CDH13: variants seen among roughly 807,000 people sequenced by gnomAD.
The protein encoded by CDH13 is cadherin 13.
Under a neutral mutation model 63.8 loss-of-function variants are expected in CDH13, and 24 were observed. That is an observed-to-expected ratio of 0.38 (90% confidence interval 0.27 to 0.53). The LOEUF is 0.53. Ranked by LOEUF, CDH13 falls within the 20% of genes least tolerant of loss-of-function variation. CDH13 has a pLI of 0.85. For synonymous variants in CDH13, 503 were observed against 355.3 expected (o/e 1.42, Z -4.67); for missense variants, 1,049 against 903.1 (o/e 1.16, Z -2.07).
At chr16:83,342,290 T>C (rs2090742953) in intron 5 of CDH13, among the ~76,000 whole-genome samples, 1 of 152,222 alleles carries the variant, frequency 6.6e-6, no homozygotes, top group African/African-American at 2.4e-5. Flanking sequence ...AATTATCTTG[T>C]TCATATCTTT....
rs1415309039 is a variant in CDH13, at chr16:83,080,929, G to A, written c.367-44456G>A. Among the ~76,000 whole-genome samples the A allele has an allele frequency of 1.2e-4, 14 of 115,718 alleles. No individual in the cohort carries two copies. The East Asian group carries it at 3.7e-3, about 31-fold the overall frequency. 75.9% of individuals were successfully genotyped at this position (115,718 alleles called of 152,430 possible). A position where few individuals can be genotyped will look rare whatever the true frequency, so the allele number is the denominator to read the frequency against. On this transcript the variant is annotated intron_variant, in intron 3 of 13. Transcript: ENST00000567109. ...AGAGTTTTGCTGTTGTTGCCCAGGCGGGAGTGCAATGGTGCAATCTTGGCT... is the reference window on the plus strand; with the variant it reads ...AGAGTTTTGCTGTTGTTGCCCAGGCAGGAGTGCAATGGTGCAATCTTGGCT...
At chr16:82,913,589 G>A (rs556220274) in intron 2 of CDH13, among the ~76,000 whole-genome samples, 2 of 152,268 alleles carry the variant, frequency 1.3e-5, no homozygotes, top group East Asian at 3.9e-4. Flanking sequence ...ACAGCCTAAG[G>A]TGGCTATACC....
intron 10 of CDH13, among the ~76,000 whole-genome samples, chr16:83,690,129 C>T (rs1359622020): frequency 6.6e-6 from 1 of 152,080 alleles, no homozygotes; most frequent in African/African-American, 2.4e-5. Flanking sequence ...GCCAAGATCA[C>T]GCCACTGCAC....
At chr16:82,978,931 C>T (rs554911535) in intron 2 of CDH13, among the ~76,000 whole-genome samples, 3 of 152,256 alleles carry the variant, frequency 2.0e-5, no homozygotes, top group East Asian at 3.9e-4. Flanking sequence ...CAAAGCTAGC[C>T]ATGAAAGCAG....
chr16:83,787,593 C>T (rs1915971467), intron 13 of CDH13, among the ~76,000 whole-genome samples: 1 of 152,194 alleles, frequency 6.6e-6, no homozygotes. Context: ...GAGCGCCAGA[C>T]AGACCACAAG....
intron 7 of CDH13, among the ~76,000 whole-genome samples, chr16:83,511,608 C>T (rs930313941): frequency 1.3e-5 from 2 of 152,204 alleles, no homozygotes; most frequent in Non-Finnish European, 2.9e-5. Context: ...ACCATACAAA[C>T]ATATTTATTA....
chr16:83,662,267 T>C (rs1449643230), intron 8 of CDH13, among the ~76,000 whole-genome samples: 1 of 152,254 alleles, frequency 6.6e-6, no homozygotes, highest in Non-Finnish European at 1.5e-5. Flanking sequence ...CTGGGAAGAC[T>C]CTGGATGTTT....
At position 82,779,651 on chromosome 16, in the gene CDH13, G is replaced by A. The variant is rs189447726; in HGVS notation, c.46-78711G>A. Among the ~76,000 whole-genome samples the A allele has an allele frequency of 9.2e-5, 14 of 152,320 alleles. No individual in the cohort carries two copies. The South Asian group carries it at 2.9e-3, about 32-fold the overall frequency. ...CCTCATAATTTACCTGTAACCGACAGCTCTCCTTGGATAGTTTATCTGGGC... is the reference window on the plus strand; with the variant it reads ...CCTCATAATTTACCTGTAACCGACAACTCTCCTTGGATAGTTTATCTGGGC... On this transcript the variant is annotated intron_variant, in intron 1 of 13. Coordinates refer to ENST00000567109, the MANE Select transcript of CDH13 (RefSeq NM_001257.5).
At chr16:82,905,748 T>C (rs1024779887) in intron 2 of CDH13, among the ~76,000 whole-genome samples, 1 of 152,204 alleles carries the variant, frequency 6.6e-6, no homozygotes, top group Non-Finnish European at 1.5e-5. Flanking sequence ...TGATAAATTA[T>C]TCACATATTT....
At chr16:83,432,561 C>T (rs768540059) in intron 6 of CDH13, among the ~76,000 whole-genome samples, 8 of 152,144 alleles carry the variant, frequency 5.3e-5, no homozygotes, top group Non-Finnish European at 7.4e-5. Context: ...GTGGGTGAAA[C>T]GAGCTTCAAG....
intron 2 of CDH13, among the ~76,000 whole-genome samples, chr16:82,892,895 T>G (rs1038074542): frequency 6.6e-6 from 1 of 152,230 alleles, no homozygotes; most frequent in Non-Finnish European, 1.5e-5. Context: ...TTCATAGATA[T>G]TGAATTTAAA....
At chr16:82,823,931 T>C (rs982559072) in intron 1 of CDH13, 2 of 152,168 alleles carry the variant, frequency 1.3e-5, no homozygotes, top group African/African-American at 4.8e-5. Flanking sequence ...ACCAACCCAA[T>C]AGCAATAAAC....
At chr16:83,783,555 C>T (rs1472364204) in intron 13 of CDH13, 83 bp downstream of exon 13, 19 of 999,144 alleles carry the variant, frequency 1.9e-5, no homozygotes, top group African/African-American at 3.2e-5. Context: ...TTCCCATATA[C>T]CTTTCCAAGA....
At chr16:83,659,659 G>C (rs978275685) in intron 8 of CDH13, among the ~76,000 whole-genome samples, 1 of 152,112 alleles carries the variant, frequency 6.6e-6, no homozygotes, top group Non-Finnish European at 1.5e-5. Context: ...GTGTTTTAAT[G>C]TGTAGTCAGG....
intron 1 of CDH13, among the ~76,000 whole-genome samples, chr16:82,643,419 G>A (rs1321804363): frequency 6.6e-6 from 1 of 152,154 alleles, no homozygotes; most frequent in Non-Finnish European, 1.5e-5. Flanking sequence ...ATCAGAAAGC[G>A]GAAGCAGAAC....
chr16:83,556,323 T>A (rs2075601535), intron 7 of CDH13, among the ~76,000 whole-genome samples: 1 of 152,174 alleles, frequency 6.6e-6, no homozygotes, highest in South Asian at 2.1e-4. Context: ...GCAAAGATAG[T>A]ATGAGGAAGC....
chr16:82,982,842 A>C (rs1165438265), intron 2 of CDH13, among the ~76,000 whole-genome samples: 1 of 152,170 alleles, frequency 6.6e-6, no homozygotes, highest in East Asian at 1.9e-4. Context: ...TGAGGGATGA[A>C]GAGTCTTTCT....
intron 13 of CDH13, 88 bp from the exon 14 acceptor site, chr16:83,794,935 C>T: frequency 8.1e-7 from 1 of 1,227,304 alleles, no homozygotes; most frequent in Non-Finnish European, 1.2e-6. Context: ...TTTATTATAC[C>T]TTGCCTGTCA....
intron 5 of CDH13, among the ~76,000 whole-genome samples, chr16:83,317,645 A>G (rs977966760): frequency 6.6e-6 from 1 of 152,108 alleles, no homozygotes; most frequent in African/African-American, 2.4e-5. Context: ...TGCTAAAAAT[A>G]CAAAATTAGC....
Sources: gnomAD v4.1 joint callset for allele counts (sites outside exome capture counted in the v4.1 genomes callset) on GRCh38, gnomAD v4.1.1 for gene constraint, MANE v1.5 for transcripts, NCBI Gene and HGNC (gene_info 2026-07-23, HGNC 2026-07-21) for gene names.